The following BAZ2A variants were observed in gnomAD, a reference collection of about 807,000 sequenced individuals.
The protein encoded by BAZ2A is bromodomain adjacent to zinc finger domain protein 2A.
In BAZ2A, 34 loss-of-function variants were observed where a neutral mutation model predicts 199.9. The ratio of observed to expected loss-of-function variants is 0.17; its 90% CI spans 0.13 to 0.23. The LOEUF (loss-of-function observed/expected upper bound fraction) is 0.23. Among genes scored for constraint, BAZ2A ranks in the 10% least tolerant of loss-of-function variants. BAZ2A has a pLI of 1.00. For missense variants in BAZ2A, 2,002 were observed against 2,391.1 expected (o/e 0.84, Z 3.39); for synonymous variants, 857 against 883.9 (o/e 0.97, Z 0.54).
chr12:56,613,485 C>T (rs542044204), intron 4 of BAZ2A, among the ~76,000 whole-genome samples: 5 of 152,196 alleles, frequency 3.3e-5, no homozygotes, highest in Non-Finnish European at 7.4e-5. Context: ...CCAGCCTGGA[C>T]AACATAGCAA....
chr12:56,602,008 A>G lies in BAZ2A; in HGVS notation c.3609T>C (p.Leu1203=), dbSNP rs572858995. Residue 1203 remains leucine (L), a synonymous_variant, in exon 20 of 29, where the codon CTT becomes CTC. Transcript: ENST00000549884. ...AATCCTGACCCCTGACAGGGGACTTAAGATGCCTAGGTTGCATAGACCCGG... is the reference window on the plus strand; with the variant it reads ...AATCCTGACCCCTGACAGGGGACTTGAGATGCCTAGGTTGCATAGACCCGG... The part of the protein sequence containing the change: ...TKPGSMQPRH[L]KSPVRGQDSE... 1.9e-6 allele frequency: 3 copies of G among 1,554,948 alleles called. No homozygotes were observed. The highest frequency in any genetic ancestry group is 2.4e-5 in the East Asian group (1 of 41,076).
rs1420645450 is a variant in BAZ2A at position 56,595,896 on chromosome 12, TA to T, written c.*2721del. On this transcript the variant is annotated 3_prime_UTR_variant, in exon 29 of 29. Transcript: ENST00000549884. ...CAACGCCGTCTCCCCCTCAGGTGTG[TA>T]GAAGGGAAGATGAATACACAGAGTC... is the stretch of plus-strand genomic sequence containing the variant. The T allele has an allele frequency of 9.9e-6, 1 of 100,838 alleles. No individual in the cohort carries two copies. Among genetic ancestry groups the T allele is most frequent in the Non-Finnish European group, 2.2e-5 (1 of 46,364 alleles). 6.2% of individuals were successfully genotyped at this position (100,838 alleles called of 1,614,324 possible).
intron 4 of BAZ2A, 86 bp downstream of exon 4, chr12:56,613,867 A>G (rs778394200): frequency 2.1e-6 from 3 of 1,420,740 alleles, no homozygotes; most frequent in Non-Finnish European, 2.9e-6. Flanking sequence ...TGATTGCCTA[A>G]TACTTTTCCC....
chr12:56,603,410 G>A lies in BAZ2A; in HGVS notation c.3228C>T (p.Ala1076=). The A allele has an allele frequency of 6.2e-7, 1 of 1,614,012 alleles. No individual in the cohort carries two copies. The highest frequency in any genetic ancestry group is 8.5e-7 in the Non-Finnish European group (1 of 1,179,894). The change falls in exon 18 of 29, where the codon GCC becomes GCT. Residue 1076 remains alanine, a synonymous_variant. Coordinates refer to ENST00000549884, the MANE Select transcript of BAZ2A (RefSeq NM_001300905.2). ...RRGRRDGEVD[A]TASSIPELER... is the part of the protein sequence containing the mutation. ...CTAGCTCTGGGATGCTAGATGCTGT[G>A]GCATCAACCTAGGGAGAAACACATG...
chr12:56,620,503 A>AAAAAC (rs1160114543), intron 1 of BAZ2A, among the ~76,000 whole-genome samples: 13 of 152,044 alleles, frequency 8.6e-5, no homozygotes, highest in African/African-American at 1.2e-4. Flanking sequence ...CCTGTCTCAA[A>AAAAAC]AAAACAAAAC....
At position 56,614,033 on chromosome 12, in the gene BAZ2A, G is replaced by T. The variant is rs1565824667; in HGVS notation, c.836C>A (p.Pro279His). The change falls in exon 4 of 29, where the codon CCT becomes CAT. Residue 279 changes from proline (P) to histidine (H), a missense_variant. Physicochemically the swap from Pro to His is moderately conservative, Grantham distance 77. Around this residue, in one of 6 missense-constraint regions of BAZ2A, gnomAD observed 641 missense variants for 694.5 expected, o/e 0.92. Transcript: ENST00000549884. Reference sequence around the variant, plus strand: ...TTCCAGTTGATCAGGAAGATGTGAAGGATCATCTAAACAGCTCACTGTGGG... The same window carrying T: ...TTCCAGTTGATCAGGAAGATGTGAATGATCATCTAAACAGCTCACTGTGGG... ...PDPTVSCLDD[P>H]SHLPDQLEDT... 4 of 1,613,896 alleles carry T rather than the reference G, an allele frequency of 2.5e-6. No individual in the cohort carries two copies. Among genetic ancestry groups the T allele is most frequent in the Non-Finnish European group, 3.4e-6 (4 of 1,179,890 alleles).
chr12:56,602,897 C>G, intron 18 of BAZ2A, 40 bp from the exon 19 acceptor site: 1 of 1,576,872 alleles, frequency 6.3e-7, no homozygotes, highest in Non-Finnish European at 8.6e-7. Context: ...AAACACATTT[C>G]CAGAGTGACA....
At chr12:56,637,814 A>C (rs143394881), upstream of BAZ2A, among the ~76,000 whole-genome samples, 39 of 152,226 alleles carry the variant, frequency 2.6e-4, no homozygotes, top group Middle Eastern at 3.4e-3. Context: ...AAGGCCCAAA[A>C]CTGAGGCCCT....
At chr12:56,631,212 G>T (rs984523427), upstream of BAZ2A, among the ~76,000 whole-genome samples, 1 of 152,014 alleles carries the variant, frequency 6.6e-6, no homozygotes, top group African/African-American at 2.4e-5. Flanking sequence ...CAGCACTTTG[G>T]GAGGCCGAGG....
At chr12:56,610,266 T>C (rs1196877488) in intron 8 of BAZ2A, 51 bp from the exon 9 acceptor site, 1 of 1,604,384 alleles carries the variant, frequency 6.2e-7, no homozygotes, top group Non-Finnish European at 8.5e-7. Flanking sequence ...CTACCATGTC[T>C]TTGGCCAGCA....
intron 1 of BAZ2A, among the ~76,000 whole-genome samples, chr12:56,618,718 A>T (rs752727387): frequency 1.3e-5 from 2 of 151,932 alleles, no homozygotes; most frequent in Non-Finnish European, 2.9e-5. Context: ...AAAAATACAA[A>T]AATTAGCTGG....
chr12:56,635,713 C>T lies in BAZ2A; in HGVS notation c.4+469G>A, dbSNP rs961033823. ...GGCAACAGGAAGCAGCTGCTCAGTG[C>T]AGCCCCCACCTGAAGGTGGGTCAAG... On this transcript the variant is annotated intron_variant, in intron 1 of 29. Transcript: ENST00000379441. This position sits in a 1 kb window ranked among gnomAD's most constrained non-coding sequence, Gnocchi z 4.1. 6.6e-6 allele frequency among the ~76,000 whole-genome samples: 1 copy of T among 152,152 alleles called. No individual in the cohort carries two copies. The highest frequency in any genetic ancestry group is 1.5e-5 in the Non-Finnish European group (1 of 68,028).
Position 56,635,856 on chromosome 12 carries a change from T to A in BAZ2A, c.4+326A>T, listed in dbSNP as rs978053805. 4.6e-5 allele frequency among the ~76,000 whole-genome samples: 7 copies of A among 151,932 alleles called. No individual in the cohort carries two copies. Among genetic ancestry groups the A allele is most frequent in the Non-Finnish European group, 8.8e-5 (6 of 67,968 alleles). The stretch of plus-strand genomic sequence containing the variant: ...GCTTTACTTTTGTGGGGGCTAGCAG[T>A]GAGTACTGTCAAAATTTCCTTGAAT... On this transcript the variant is annotated intron_variant, in intron 1 of 29. Transcript: ENST00000379441. The surrounding 1 kb of genome is among the most constrained non-coding windows in gnomAD (Gnocchi z 4.1).
At position 56,601,882 on chromosome 12, in the gene BAZ2A, G is replaced by A. The variant is rs1886516600; in HGVS notation, c.3735C>T (p.Phe1245=). Residue 1245 remains phenylalanine, a synonymous_variant, in exon 20 of 29, where the codon TTC becomes TTT. Transcript: ENST00000549884. ...ACAAAGGGGAGCCTTCTTGCTCCAG[G>A]AACCCCTTATGGGACTGAAGCTGAA... is the stretch of plus-strand genomic sequence containing the variant. The part of the protein sequence containing the change: ...LQLQLQSHKG[F]LEQEGSPLSL... The A allele has an allele frequency of 6.2e-7, 1 of 1,613,384 alleles. No homozygotes were observed. Among genetic ancestry groups the A allele is most frequent in the Non-Finnish European group, 8.5e-7 (1 of 1,179,616 alleles).
At chr12:56,634,234 T>G (rs1951389390), upstream of BAZ2A, among the ~76,000 whole-genome samples, 1 of 152,194 alleles carries the variant, frequency 6.6e-6, no homozygotes, top group South Asian at 2.1e-4. Context: ...CTTAGAGATT[T>G]AGCCCCAGCT....
intron 13 of BAZ2A, 48 bp downstream of exon 13, chr12:56,605,781 AG>A: frequency 6.6e-7 from 1 of 1,510,452 alleles, no homozygotes; most frequent in Non-Finnish European, 8.9e-7. Context: ...TTTTTTTTAA[AG>A]GAAAGTCTTC....
intron 1 of BAZ2A, among the ~76,000 whole-genome samples, chr12:56,620,826 G>T (rs1950898631): frequency 6.6e-6 from 1 of 152,148 alleles, no homozygotes; most frequent in Non-Finnish European, 1.5e-5. Context: ...CTCCCAATGT[G>T]CTGGGATTAC....
chr12:56,599,817 T>C lies in BAZ2A; in HGVS notation c.5057A>G (p.Asp1686Gly), dbSNP rs2136715488. 6.2e-7 allele frequency: 1 copy of C among 1,613,944 alleles called. No homozygotes were observed. Among genetic ancestry groups the C allele is most frequent in the East Asian group, 2.2e-5 (1 of 44,874 alleles). ...CCCATCACAAAGCAGAAGAAACTCA[T>C]CATTGTCACCCTTCCGGCAGACTAG... The part of the protein sequence containing the change: ...TCLVCRKGDN[D>G]EFLLLCDGCD... Residue 1686 changes from aspartate to glycine, a missense_variant, in exon 26 of 29, where the codon GAT becomes GGT. Physicochemically the swap from Asp to Gly is moderately conservative, Grantham distance 94. Coordinates refer to ENST00000549884, the MANE Select transcript of BAZ2A (RefSeq NM_001300905.2).
intron 1 of BAZ2A, among the ~76,000 whole-genome samples, chr12:56,617,859 A>G (rs746749854): frequency 6.6e-6 from 1 of 152,154 alleles, no homozygotes; most frequent in Non-Finnish European, 1.5e-5. Flanking sequence ...TCTATATTAG[A>G]TATTAGCCTC....
Sources: gnomAD v4.1 joint callset for allele counts (sites outside exome capture counted in the v4.1 genomes callset) on GRCh38, gnomAD v4.1.1 for gene constraint, gnomAD v4.1.1 regional missense constraint, Gnocchi (gnomAD v3.1) non-coding constraint, MANE v1.5 for transcripts, NCBI Gene and HGNC (gene_info 2026-07-23, HGNC 2026-07-21) for gene names.